Variants in CACNA1C observed in about 807,000 individuals in gnomAD.
The protein encoded by CACNA1C is voltage-dependent L-type calcium channel subunit alpha-1C.
A neutral mutation model predicts 229.0 loss-of-function variants in CACNA1C; 30 were observed. The observed-to-expected ratio is 0.13, with a 90% CI of 0.10 to 0.18. The LOEUF (loss-of-function observed/expected upper bound fraction) is 0.18, where lower values mean the gene tolerates loss of function less well. Ranked by LOEUF, CACNA1C falls within the 10% of genes least tolerant of loss-of-function variation. CACNA1C has a pLI of 1.00. For missense variants in CACNA1C, 1,658 were observed against 2,845.0 expected (o/e 0.58, Z 9.49); for synonymous variants, 1,114 against 1,132.5 (o/e 0.98, Z 0.33).
chr12:2,585,114 C>T lies in CACNA1C; in HGVS notation c.2340-262C>T, dbSNP rs923573402. On this transcript the variant is annotated intron_variant, in intron 16 of 46. Coordinates refer to ENST00000399655, the MANE Select transcript of CACNA1C (RefSeq NM_000719.7). This position sits in a 1 kb window ranked among gnomAD's most constrained non-coding sequence, Gnocchi z 4.1. The stretch of plus-strand genomic sequence containing the variant: ...GGAGCCAATCCTAGATGAGATCCAC[C>T]ATCCTTTTCTGCTTTGGCGACCCAG... Among the ~76,000 whole-genome samples, 5 of 152,204 alleles carry T rather than the reference C, an allele frequency of 3.3e-5. No homozygotes were observed. The highest frequency in any genetic ancestry group is 1.2e-4 in the African/African-American group (5 of 41,452).
chr12:2,578,757 C>T (rs542675885), intron 13 of CACNA1C, among the ~76,000 whole-genome samples: 15 of 152,208 alleles, frequency 9.9e-5, no homozygotes, highest in South Asian at 8.3e-4. Context: ...AGCACGAACC[C>T]GGTGTTGTGC....
In CACNA1C at chr12:2,270,747, T is replaced by C. The variant is rs1364803414; in HGVS notation, c.477+150317T>C. ...GGGCTCGTGGTCCTCAAATGTCACCTCCATCCTGATGCCACAATGTCTGTA... is the reference window on the plus strand; with the variant it reads ...GGGCTCGTGGTCCTCAAATGTCACCCCCATCCTGATGCCACAATGTCTGTA... On this transcript the variant is annotated intron_variant, in intron 3 of 46. Coordinates refer to ENST00000399655, the MANE Select transcript of CACNA1C (RefSeq NM_000719.7). Among the ~76,000 whole-genome samples, 3 of 152,302 alleles carry C rather than the reference T, an allele frequency of 2.0e-5. No individual in the cohort carries two copies. The East Asian group carries it at 5.8e-4, about 29-fold the overall frequency.
At chr12:2,146,578 G>A (rs1373159591) in intron 3 of CACNA1C, among the ~76,000 whole-genome samples, 1 of 151,050 alleles carries the variant, frequency 6.6e-6, no homozygotes, top group African/African-American at 2.4e-5. Context: ...GTGGGGAGGC[G>A]GTGGGCACAG....
chr12:2,601,081 A>T lies in CACNA1C; in HGVS notation c.2854-773A>T, dbSNP rs1011781627. On this transcript the variant is annotated intron_variant, in intron 21 of 46. Coordinates refer to ENST00000399655, the MANE Select transcript of CACNA1C (RefSeq NM_000719.7). This position sits in a 1 kb window ranked among gnomAD's most constrained non-coding sequence, Gnocchi z 5.9. ...GTCTGGCCTCAGAGCCTGTGCTCTT[A>T]GCCACTGAGCCTCATAGCCCCTCTG... is the stretch of plus-strand genomic sequence containing the variant. Among the ~76,000 whole-genome samples the T allele has an allele frequency of 6.6e-6, 1 of 152,200 alleles. No individual in the cohort carries two copies. Among genetic ancestry groups the T allele is most frequent in the African/African-American group, 2.4e-5 (1 of 41,452 alleles).
chr12:2,079,276 T>G (rs1323829054), intron 1 of CACNA1C, among the ~76,000 whole-genome samples: 1 of 152,018 alleles, frequency 6.6e-6, no homozygotes, highest in Non-Finnish European at 1.5e-5. Context: ...ACTTAAAATA[T>G]AATAATAATT....
At chr12:2,345,329 G>A (rs776109555) in intron 3 of CACNA1C, among the ~76,000 whole-genome samples, 4 of 151,992 alleles carry the variant, frequency 2.6e-5, no homozygotes, top group Non-Finnish European at 5.9e-5. Flanking sequence ...TAACTGGATT[G>A]GTAGCTGGAT....
Position 2,685,966 on chromosome 12 carries a change from A to G in CACNA1C, c.5680+124A>G, listed in dbSNP as rs2097445009. On this transcript the variant is annotated intron_variant, in intron 44 of 46. Coordinates refer to ENST00000399655, the MANE Select transcript of CACNA1C (RefSeq NM_000719.7). The stretch of plus-strand genomic sequence containing the variant: ...AGCCCCACACAGTGGGGCATTTCCA[A>G]AGCAAGGAGACAACATTCCAAAGGC... 8.6e-6 allele frequency: 7 copies of G among 810,084 alleles called. No individual in the cohort carries two copies. In the Admixed American group the frequency reaches 1.0e-4, roughly 12 times the overall value. 50.2% of individuals were successfully genotyped at this position (810,084 alleles called of 1,614,324 possible).
At chr12:2,250,141 A>G (rs1232828586) in intron 3 of CACNA1C, among the ~76,000 whole-genome samples, 1 of 152,196 alleles carries the variant, frequency 6.6e-6, no homozygotes, top group Non-Finnish European at 1.5e-5. Context: ...CTCAAGGACA[A>G]GGATGCATCA....
intron 2 of CACNA1C, among the ~76,000 whole-genome samples, chr12:2,119,460 G>T (rs139810210): frequency 2.0e-5 from 3 of 152,288 alleles, no homozygotes; most frequent in Admixed American, 6.5e-5. Flanking sequence ...CGTCGGAAGG[G>T]GTATTATCAC....
chr12:2,090,310 CTTT>C (rs145675982), intron 1 of CACNA1C, among the ~76,000 whole-genome samples: 2,461 of 68,922 alleles, frequency 0.036, 31 homozygotes, highest in African/African-American at 0.12. Flanking sequence ...GGATAGACTA[CTTT>C]TTTTTTTTTT....
chr12:2,498,977 G>T (rs974970042), intron 7 of CACNA1C, among the ~76,000 whole-genome samples: 7 of 152,154 alleles, frequency 4.6e-5, no homozygotes, highest in African/African-American at 1.4e-4. Context: ...AGCTTATTTT[G>T]TTGGCTTGCC....
intron 3 of CACNA1C, among the ~76,000 whole-genome samples, chr12:2,350,528 G>A (rs1441142711): frequency 6.6e-6 from 1 of 152,210 alleles, no homozygotes; most frequent in Non-Finnish European, 1.5e-5. Context: ...GAAAGATCAA[G>A]GGGGCAATGG....
chr12:2,182,629 G>T (rs1015389757), intron 3 of CACNA1C, among the ~76,000 whole-genome samples: 3 of 152,106 alleles, frequency 2.0e-5, no homozygotes, highest in Admixed American at 2.0e-4. Context: ...CCTTTCCTTT[G>T]TCTAATTCCT....
intron 3 of CACNA1C, among the ~76,000 whole-genome samples, chr12:2,173,998 A>G (rs984094498): frequency 6.6e-6 from 1 of 152,130 alleles, no homozygotes; most frequent in African/African-American, 2.4e-5. Context: ...TAGAATCAGC[A>G]GCAGACATCA....
chr12:2,656,034 C>G (rs952827531), intron 34 of CACNA1C, among the ~76,000 whole-genome samples: 2 of 152,154 alleles, frequency 1.3e-5, no homozygotes, highest in Middle Eastern at 3.2e-3. Context: ...AGATGAGGAA[C>G]AAGACAAAGA....
intron 3 of CACNA1C, among the ~76,000 whole-genome samples, chr12:2,371,724 C>CTTTTTTTTTTT (rs61627008): frequency 7.8e-6 from 1 of 129,016 alleles, no homozygotes. Context: ...TGACATATGG[C>CTTTTTTTTTTT]TTTTTTTTTT....
chr12:2,053,730 C>T lies in CACNA1C; in HGVS notation c.49+119C>T, dbSNP rs952372779. 2 of 1,006,492 alleles carry T rather than the reference C, an allele frequency of 2.0e-6. No homozygotes were observed. Among genetic ancestry groups the T allele is most frequent in the Non-Finnish European group, 2.5e-6 (2 of 792,174 alleles). 62.3% of individuals were successfully genotyped at this position (1,006,492 alleles called of 1,614,324 possible). On this transcript the variant is annotated intron_variant, in intron 1 of 46. Coordinates refer to ENST00000399655, the MANE Select transcript of CACNA1C (RefSeq NM_000719.7). This position sits in a 1 kb window ranked among gnomAD's most constrained non-coding sequence, Gnocchi z 5.8. ...CTGCGGAGTGGCCCGGGGCCGCGTC[C>T]GCGAGGGGCGCCTCCGCCTCGTCGG...
intron 3 of CACNA1C, among the ~76,000 whole-genome samples, chr12:2,388,778 T>C (rs1471544662): frequency 6.6e-6 from 1 of 152,192 alleles, no homozygotes; most frequent in Non-Finnish European, 1.5e-5. Flanking sequence ...GGTTCATCTT[T>C]GGGCTTGTGG....
rs537909253 is a variant in CACNA1C at position 2,070,162 on chromosome 12, G to A, written c.49+16551G>A. On this transcript the variant is annotated intron_variant, in intron 1 of 46. Coordinates refer to ENST00000399655, the MANE Select transcript of CACNA1C (RefSeq NM_000719.7). ...AGAAAGAATGTCTTGGGGGTCGAGC[G>A]GGAAGAGTATAAAAGAGCCTTGCTC... 4.3e-4 allele frequency among the ~76,000 whole-genome samples: 66 copies of A among 152,190 alleles called. 1 individual carries two copies. Among genetic ancestry groups the A allele is most frequent in the African/African-American group, 1.2e-3 (50 of 41,514 alleles).
Sources: gnomAD v4.1 joint callset for allele counts (sites outside exome capture counted in the v4.1 genomes callset) on GRCh38, gnomAD v4.1.1 for gene constraint, Gnocchi (gnomAD v3.1) non-coding constraint, MANE v1.5 for transcripts, NCBI Gene and HGNC (gene_info 2026-07-23, HGNC 2026-07-21) for gene names.